The following NPAS3 variants were observed in gnomAD, a reference collection of about 807,000 sequenced individuals.
NPAS3 encodes the protein neuronal PAS domain protein 3.
Under a neutral mutation model 73.1 loss-of-function variants are expected in NPAS3, and 14 were observed. That is an observed-to-expected ratio of 0.19 (90% CI 0.13 to 0.30). The LOEUF is 0.30. NPAS3 is among the 10% of genes least tolerant of loss of function. The probability of loss-of-function intolerance (pLI) is 1.00; values close to 1 mark genes in which losing one functional copy is unlikely to be tolerated. For synonymous variants in NPAS3, 620 were observed against 541.5 expected, an observed-to-expected ratio of 1.14 and a Z score of -2.01; for missense variants, 1,096 against 1,250.0, an observed-to-expected ratio of 0.88 and a Z score of 1.86.
chr14:33,442,239 C>T (rs1250398883), intron 4 of NPAS3, among the ~76,000 whole-genome samples: 1 of 152,102 alleles, frequency 6.6e-6, no homozygotes, highest in Non-Finnish European at 1.5e-5. Flanking sequence ...GTTTATTTGT[C>T]TAACTTTTGG....
intron 5 of NPAS3, among the ~76,000 whole-genome samples, chr14:33,567,300 T>C (rs889881662): frequency 2.6e-5 from 4 of 152,232 alleles, no homozygotes; most frequent in African/African-American, 9.6e-5. Flanking sequence ...GCTTCCTTGC[T>C]TTTGACAAGA....
chr14:33,039,218 T>G (rs1451868689), intron 1 of NPAS3, among the ~76,000 whole-genome samples: 1 of 152,212 alleles, frequency 6.6e-6, no homozygotes, highest in Non-Finnish European at 1.5e-5. Flanking sequence ...TTTTATGCTT[T>G]TACATTCATG....
At chr14:33,672,343 C>A (rs1490855552) in intron 5 of NPAS3, among the ~76,000 whole-genome samples, 1 of 152,112 alleles carries the variant, frequency 6.6e-6, no homozygotes, top group African/African-American at 2.4e-5. Flanking sequence ...AAAAGAACCA[C>A]CTTAAACTTT....
At chr14:33,412,309 G>A (rs899757813) in intron 4 of NPAS3, among the ~76,000 whole-genome samples, 1 of 151,912 alleles carries the variant, frequency 6.6e-6, no homozygotes, top group East Asian at 1.9e-4. Flanking sequence ...TTGTAGAGAC[G>A]GGGTTTCACC....
chr14:33,291,537 T>C (rs564627998), intron 3 of NPAS3, among the ~76,000 whole-genome samples: 6 of 152,312 alleles, frequency 3.9e-5, no homozygotes, highest in African/African-American at 1.4e-4. Flanking sequence ...AGAAATGAAT[T>C]TGTAATAGAA....
intron 4 of NPAS3, among the ~76,000 whole-genome samples, chr14:33,427,885 T>C (rs1050388440): frequency 2.4e-4 from 36 of 152,190 alleles, no homozygotes; most frequent in African/African-American, 7.7e-4. Context: ...GTAATGTTGG[T>C]AGTGGAGACC....
chr14:33,554,617 T>A (rs116820512), intron 4 of NPAS3, among the ~76,000 whole-genome samples: 1,974 of 152,264 alleles, frequency 0.013, 42 homozygotes, highest in African/African-American at 0.045. Context: ...TGGAGTTAAG[T>A]CACAGGAAAA....
chr14:33,011,488 C>A (rs1417547593), intron 1 of NPAS3, among the ~76,000 whole-genome samples: 1 of 152,108 alleles, frequency 6.6e-6, no homozygotes, highest in Non-Finnish European at 1.5e-5. Flanking sequence ...CTGGAGAAAA[C>A]CCACAGAGAC....
At chr14:33,734,833 AG>A (rs1448136222) in intron 6 of NPAS3, among the ~76,000 whole-genome samples, 1 of 152,140 alleles carries the variant, frequency 6.6e-6, no homozygotes, top group Admixed American at 6.6e-5. Flanking sequence ...CTTTATCAGA[AG>A]CATCTCTGCC....
chr14:33,162,282 A>AT (rs1475186900), intron 2 of NPAS3, among the ~76,000 whole-genome samples: 1 of 152,094 alleles, frequency 6.6e-6, no homozygotes, highest in Non-Finnish European at 1.5e-5. Context: ...AATTATTAAT[A>AT]TTTTTTCAAT....
intron 4 of NPAS3, among the ~76,000 whole-genome samples, chr14:33,445,047 A>AT (rs1453064719): frequency 6.6e-6 from 1 of 152,206 alleles, no homozygotes; most frequent in Non-Finnish European, 1.5e-5. Flanking sequence ...ACCTTCTAGG[A>AT]TTATTTTCTC....
chr14:33,189,945 C>G (rs542150109), intron 2 of NPAS3, among the ~76,000 whole-genome samples: 1 of 152,138 alleles, frequency 6.6e-6, no homozygotes, highest in African/African-American at 2.4e-5. Flanking sequence ...CAAACATTTT[C>G]TTCTCACAAT....
intron 1 of NPAS3, among the ~76,000 whole-genome samples, chr14:33,006,182 T>C (rs560646871): frequency 2.6e-5 from 4 of 152,212 alleles, no homozygotes; most frequent in African/African-American, 4.8e-5. Context: ...ATCAGGACTC[T>C]CAAAGAAAAG....
intron 2 of NPAS3, among the ~76,000 whole-genome samples, chr14:33,097,099 C>A (rs923208459): frequency 6.6e-6 from 1 of 151,966 alleles, no homozygotes; most frequent in Non-Finnish European, 1.5e-5. Flanking sequence ...AATTCTGGAC[C>A]AGGTGTAGTG....
rs904638811 is a variant in NPAS3 at position 33,720,111 on chromosome 14, T to G, written c.734-15103T>G. 2.2e-4 allele frequency among the ~76,000 whole-genome samples: 34 copies of G among 152,176 alleles called. 1 individual carries two copies. The highest frequency in any genetic ancestry group is 1.3e-4 in the Admixed American group (2 of 15,270). The stretch of plus-strand genomic sequence containing the variant: ...CCAATAAAAGAGAAAAAAAGCTTAG[T>G]TGTAAGTTCATCGAAAACTTTCCCT... On this transcript the variant is annotated intron_variant, in intron 6 of 11. Coordinates refer to ENST00000356141, the Ensembl canonical transcript of NPAS3.
chr14:33,145,669 G>T (rs2044213034), intron 2 of NPAS3, among the ~76,000 whole-genome samples: 1 of 152,078 alleles, frequency 6.6e-6, no homozygotes, highest in South Asian at 2.1e-4. Flanking sequence ...TTTCTGCACT[G>T]CCCATGATAA....
intron 4 of NPAS3, among the ~76,000 whole-genome samples, chr14:33,519,701 TA>T (rs1365422345): frequency 3.3e-5 from 5 of 152,166 alleles, no homozygotes; most frequent in Non-Finnish European, 7.3e-5. Context: ...GCAAGTTGAT[TA>T]GGATGGCTTC....
At chr14:33,459,399 T>C (rs2139476078) in intron 4 of NPAS3, among the ~76,000 whole-genome samples, 1 of 152,356 alleles carries the variant, frequency 6.6e-6, no homozygotes, top group Non-Finnish European at 1.5e-5. Context: ...TATACAAATG[T>C]AAGGTGTTGT....
chr14:33,168,300 G>A (rs1307889010), intron 2 of NPAS3, among the ~76,000 whole-genome samples: 1 of 151,950 alleles, frequency 6.6e-6, no homozygotes, highest in African/African-American at 2.4e-5. Flanking sequence ...TAGAACAGCT[G>A]TAAGCACTAA....
Sources: gnomAD v4.1 joint callset for allele counts (sites outside exome capture counted in the v4.1 genomes callset) on GRCh38, gnomAD v4.1.1 for gene constraint, MANE v1.5 for transcripts, NCBI Gene and HGNC (gene_info 2026-07-23, HGNC 2026-07-21) for gene names.